ADGRV1: variants seen among roughly 807,000 people sequenced by gnomAD.
ADGRV1 encodes the protein G-protein coupled receptor 98.
ADGRV1 carries 359 observed loss-of-function variants against 596.2 expected under a neutral mutation model. The observed-to-expected ratio is 0.60, with a 90% CI of 0.55 to 0.66. The LOEUF (loss-of-function observed/expected upper bound fraction) is 0.66, where lower values mean the gene tolerates loss of function less well. Ranked by LOEUF, ADGRV1 falls within the 30% of genes least tolerant of loss-of-function variation. ADGRV1 has a pLI of 0.00. For synonymous variants in ADGRV1, 2,681 were observed against 2,679.2 expected (o/e 1.00, Z -0.02); for missense variants, 7,274 against 7,575.6 (o/e 0.96, Z 1.48).
At chr5:90,640,498 G>A (rs77657594) in intron 11 of ADGRV1, among the ~76,000 whole-genome samples, 2,658 of 152,232 alleles carry the variant, frequency 0.017, 29 homozygotes, top group Non-Finnish European at 0.029. Context: ...TTCAGCTGCT[G>A]TGGTTTGTGA....
chr5:90,799,757 G>C (rs112805263), intron 70 of ADGRV1, among the ~76,000 whole-genome samples: 23,934 of 151,990 alleles, frequency 0.16, 2,597 homozygotes, highest in Non-Finnish European at 0.24. Context: ...CAGAACAGAG[G>C]CCTCAGAAAT....
At chr5:90,775,329 C>T (rs1013258614) in intron 60 of ADGRV1, among the ~76,000 whole-genome samples, 9 of 152,178 alleles carry the variant, frequency 5.9e-5, no homozygotes, top group Non-Finnish European at 1.3e-4. Flanking sequence ...GACATCACTG[C>T]ACCATATTCT....
chr5:90,637,604 C>G, intron 10 of ADGRV1, 121 bp from the exon 11 acceptor site: 1 of 551,422 alleles, frequency 1.8e-6, no homozygotes, highest in Non-Finnish European at 3.0e-6. Context: ...GTTCGCTTCT[C>G]TATATAGAAT....
chr5:90,977,643 A>G (rs1327413186), intron 84 of ADGRV1, among the ~76,000 whole-genome samples: 12 of 152,204 alleles, frequency 7.9e-5, no homozygotes, highest in Non-Finnish European at 1.5e-4. Flanking sequence ...AACACTTAAC[A>G]AGATATGTCT....
rs1172236135 is a variant in ADGRV1, at chr5:90,651,615, G to A, written c.3301G>A (p.Val1101Ile). The change falls in exon 18 of 90, where the codon GTA becomes ATA. Residue 1101 changes from valine to isoleucine, a missense_variant. Transcript: ENST00000405460. Reference sequence around the variant, plus strand: ...CACTTTTAATTTAGGTGATACAGTAGTATATCAATATGGAGTAGCTACAGT... The same window carrying A: ...CACTTTTAATTTAGGTGATACAGTAATATATCAATATGGAGTAGCTACAGT... The part of the protein sequence containing the change: ...ILLNSTGDTV[V>I]YQYGVATVII... 1 of 1,576,760 alleles carries A rather than the reference G, an allele frequency of 6.3e-7. No individual in the cohort carries two copies. The highest frequency in any genetic ancestry group is 1.3e-5 in the African/African-American group (1 of 74,196).
chr5:90,587,879 A>T lies in ADGRV1; in HGVS notation c.23-26956A>T, dbSNP rs117586541. On this transcript the variant is annotated intron_variant, in intron 1 of 89. Transcript: ENST00000405460. Reference sequence around the variant, plus strand: ...CCAGCGTGTTTTCTCTTAAGTAATTATTATTTGCTCTATCCTACAAAATGT... The same window carrying T: ...CCAGCGTGTTTTCTCTTAAGTAATTTTTATTTGCTCTATCCTACAAAATGT... 9.9e-4 allele frequency among the ~76,000 whole-genome samples: 151 copies of T among 152,174 alleles called. 3 individuals are homozygous for T. In the East Asian group the frequency reaches 0.024, roughly 24 times the overall value.
intron 59 of ADGRV1, among the ~76,000 whole-genome samples, chr5:90,766,432 A>C (rs931749008): frequency 1.3e-5 from 2 of 152,094 alleles, no homozygotes; most frequent in Non-Finnish European, 2.9e-5. Context: ...GACTGTGGAG[A>C]ACTTCTATAC....
intron 85 of ADGRV1, among the ~76,000 whole-genome samples, chr5:90,995,377 C>T (rs572623678): frequency 5.3e-4 from 80 of 152,308 alleles, no homozygotes; most frequent in African/African-American, 1.9e-3. Context: ...CCCAAACCTC[C>T]TCCCCTATGG....
At chr5:90,589,296 A>T (rs1284544508) in intron 1 of ADGRV1, among the ~76,000 whole-genome samples, 1 of 152,222 alleles carries the variant, frequency 6.6e-6, no homozygotes, top group Non-Finnish European at 1.5e-5. Flanking sequence ...AAGTCAAGAG[A>T]TGAAAGATAC....
intron 87 of ADGRV1, among the ~76,000 whole-genome samples, chr5:91,120,733 T>C (rs566376586): frequency 0.011 from 1,695 of 152,222 alleles, 31 homozygotes; most frequent in African/African-American, 0.038. Context: ...AACACTGGGC[T>C]CCACCTGGCT....
chr5:90,910,882 C>T (rs1240877995), intron 83 of ADGRV1, among the ~76,000 whole-genome samples: 6 of 152,190 alleles, frequency 3.9e-5, no homozygotes, highest in Middle Eastern at 3.4e-3. Flanking sequence ...AAACTAATCT[C>T]GTTTGACAGT....
intron 83 of ADGRV1, among the ~76,000 whole-genome samples, chr5:90,911,662 T>C (rs1055427847): frequency 1.9e-4 from 29 of 152,202 alleles, no homozygotes; most frequent in African/African-American, 5.8e-4. Context: ...TTAATACTAT[T>C]GCATTTGAAA....
intron 29 of ADGRV1, among the ~76,000 whole-genome samples, chr5:90,688,446 C>T (rs1261096008): frequency 6.6e-6 from 1 of 152,140 alleles, no homozygotes; most frequent in Non-Finnish European, 1.5e-5. Context: ...CAATGTCCGC[C>T]TCCCGGGTTC....
At chr5:91,101,725 G>A (rs986822297) in intron 86 of ADGRV1, among the ~76,000 whole-genome samples, 3 of 151,994 alleles carry the variant, frequency 2.0e-5, no homozygotes, top group Admixed American at 2.0e-4. Flanking sequence ...ATAAATTTTG[G>A]TGTCTTCTCA....
chr5:91,105,071 G>A (rs1028803386), intron 87 of ADGRV1, among the ~76,000 whole-genome samples: 1 of 151,992 alleles, frequency 6.6e-6, no homozygotes, highest in Non-Finnish European at 1.5e-5. Flanking sequence ...GTTTCGCCAT[G>A]TTTCCCAGGC....
chr5:91,076,684 A>T (rs2126467364), intron 86 of ADGRV1, among the ~76,000 whole-genome samples: 1 of 152,258 alleles, frequency 6.6e-6, no homozygotes, highest in East Asian at 1.9e-4. Flanking sequence ...GACTATTTTT[A>T]TAAGAAATAT....
chr5:90,792,172 G>T (rs1354297809), intron 70 of ADGRV1: 1 of 152,180 alleles, frequency 6.6e-6, no homozygotes, highest in African/African-American at 2.4e-5. Context: ...AATGAAAAAG[G>T]AGAATATATT....
At chr5:90,664,659 G>A (rs1198260285) in intron 21 of ADGRV1, among the ~76,000 whole-genome samples, 2 of 137,874 alleles carry the variant, frequency 1.5e-5, no homozygotes, top group Admixed American at 7.5e-5. Context: ...TGTTGAATAG[G>A]AGTGGTGAGA....
rs1477000507 is a variant in ADGRV1, at chr5:90,784,020, T to A, written c.13616T>A (p.Val4539Glu). The A allele has an allele frequency of 6.2e-7, 1 of 1,612,954 alleles. No homozygotes were observed. Among genetic ancestry groups the A allele is most frequent in the East Asian group, 2.2e-5 (1 of 44,874 alleles). Residue 4539 changes from valine to glutamate, a missense_variant, in exon 67 of 90, where the codon GTG becomes GAG. Val to Glu is a moderately radical substitution (Grantham distance 121). Coordinates refer to ENST00000405460, the MANE Select transcript of ADGRV1 (RefSeq NM_032119.4). ...NPNSTMILSL[V>E]LERTGGLLGE... is the part of the protein sequence containing the mutation. ...AATTCCACAATGATTTTATCACTGG[T>A]GCTGGAGCGGACTGGAGGACTCTTG...
Sources: gnomAD v4.1 joint callset for allele counts (sites outside exome capture counted in the v4.1 genomes callset) on GRCh38, gnomAD v4.1.1 for gene constraint, MANE v1.5 for transcripts, NCBI Gene and HGNC (gene_info 2026-07-23, HGNC 2026-07-21) for gene names.